ALOX15B: variants seen among roughly 807,000 people sequenced by gnomAD.
The protein encoded by ALOX15B is arachidonate 15-lipoxygenase type B, also known as polyunsaturated fatty acid lipoxygenase ALOX15B.
In ALOX15B, 74 loss-of-function variants were observed where a neutral mutation model predicts 73.8. The ratio of observed to expected loss-of-function variants is 1.00; its 90% CI spans 0.83 to 1.22. The LOEUF is 1.22. Ranked by LOEUF, ALOX15B falls within the 50% of genes most tolerant of loss-of-function variation. ALOX15B has a pLI of 0.00. For missense variants in ALOX15B, 896 were observed against 859.9 expected (o/e 1.04, Z -0.52); for synonymous variants, 353 against 357.2 (o/e 0.99, Z 0.13).
intron 3 of ALOX15B, among the ~76,000 whole-genome samples, chr17:8,040,908 G>A (rs1329620502): frequency 1.2e-5 from 1 of 83,392 alleles, no homozygotes; most frequent in Admixed American, 1.6e-4. Flanking sequence ...AGTTGGGGCC[G>A]CTAGTGAGGA....
intron 2 of ALOX15B, 74 bp from the exon 3 acceptor site, chr17:8,039,828 G>A (rs762212607): frequency 6.9e-6 from 10 of 1,454,526 alleles, no homozygotes; most frequent in Non-Finnish European, 8.5e-6. Context: ...GGTGGCAATC[G>A]TGGAGACTGT....
chr17:8,047,058 T>A lies in ALOX15B; in HGVS notation c.1439T>A (p.Ile480Asn). The A allele has an allele frequency of 6.2e-7, 1 of 1,613,774 alleles. No individual in the cohort carries two copies. Among genetic ancestry groups the A allele is most frequent in the Non-Finnish European group, 8.5e-7 (1 of 1,179,990 alleles). Residue 480 changes from isoleucine (I) to asparagine (N), a missense_variant, in exon 10 of 14, where the codon ATC becomes AAC. Ile to Asn is a moderately radical substitution (Grantham distance 149). Coordinates refer to ENST00000380183, the MANE Select transcript of ALOX15B (RefSeq NM_001141.3). ...TACTACCGTGATGATGGGATGCAGA[T>A]CTGGGGTGCAGTGGAACGGTGAGGG... ...GYYYRDDGMQ[I>N]WGAVERFVSE...
chr17:8,039,162 G>A lies in ALOX15B; in HGVS notation c.7G>A (p.Glu3Lys), dbSNP rs769860982. Residue 3 changes from glutamate to lysine, a missense_variant, in exon 1 of 14, where the codon GAG (glutamate) becomes AAG (lysine). Transcript: ENST00000380183. Reference sequence around the variant, plus strand: ...CTGGACTTAGGCTGGCAGCATGGCCGAGTTCAGGGTCAGGGTGTCCACCGG... The same window carrying A: ...CTGGACTTAGGCTGGCAGCATGGCCAAGTTCAGGGTCAGGGTGTCCACCGG... MA[E>K]FRVRVSTGEA... The A allele has an allele frequency of 2.5e-6, 4 of 1,612,944 alleles. No homozygotes were observed. The East Asian group carries it at 8.9e-5, about 36-fold the overall frequency.
Position 8,042,414 on chromosome 17 carries a change from G to C in ALOX15B, c.495G>C (p.Lys165Asn), listed in dbSNP as rs962335281. The C allele has an allele frequency of 6.8e-6, 11 of 1,614,018 alleles. No homozygotes were observed. The highest frequency in any genetic ancestry group is 8.5e-6 in the Non-Finnish European group (10 of 1,180,044). The part of the protein sequence containing the change: ...NPGWPHCLDE[K>N]TVEDLELNIK... ...GTTGGCCTCACTGCCTGGATGAAAAGACAGTGGAAGACTTGGAGCTCAATA... is the reference window on the plus strand; with the variant it reads ...GTTGGCCTCACTGCCTGGATGAAAACACAGTGGAAGACTTGGAGCTCAATA... Residue 165 changes from lysine (K) to asparagine (N), a missense_variant, in exon 4 of 14, where the codon AAG (lysine) becomes AAC (asparagine). By Grantham distance (94) the Lys-to-Asn change is moderately conservative. Coordinates refer to ENST00000380183, the MANE Select transcript of ALOX15B (RefSeq NM_001141.3).
rs1976641629 is a variant in ALOX15B at position 8,047,437 on chromosome 17, C to T, written c.1579+58C>T. 53 of 1,607,546 alleles carry T rather than the reference C, an allele frequency of 3.3e-5. 1 individual carries two copies. In the South Asian group the frequency reaches 5.5e-4, roughly 17 times the overall value. The stretch of plus-strand genomic sequence containing the variant: ...GTGAGCCCATCCCCGTGTCCCCCAC[C>T]CCCTGCAGAGCACGCATTTGAGTGG... On this transcript the variant is annotated intron_variant, in intron 11 of 13. Coordinates refer to ENST00000380183, the MANE Select transcript of ALOX15B (RefSeq NM_001141.3).
intron 3 of ALOX15B, among the ~76,000 whole-genome samples, chr17:8,042,115 G>T (rs2151812398): frequency 6.6e-6 from 1 of 152,332 alleles, no homozygotes; most frequent in Middle Eastern, 3.4e-3. Context: ...AAAGGACTCT[G>T]ATTGGCCCAG....
Position 8,039,451 on chromosome 17 carries a change from G to C in ALOX15B, c.213G>C (p.Lys71Asn). Residue 71 changes from lysine (K) to asparagine (N), a missense_variant, in exon 2 of 14, where the codon AAG becomes AAC. By Grantham distance (94) the Lys-to-Asn change is moderately conservative. Transcript: ENST00000380183. ...VGRVLLLRVH[K>N]APPVLPLLGP... ...GAGTGCTGCTGCTGCGCGTGCACAAGGCGCCCCCAGTGCTGCCCCTGCTGG... is the reference window on the plus strand; with the variant it reads ...GAGTGCTGCTGCTGCGCGTGCACAACGCGCCCCCAGTGCTGCCCCTGCTGG... 6.2e-7 allele frequency: 1 copy of C among 1,608,798 alleles called. No homozygotes were observed.
intron 2 of ALOX15B, 147 bp from the exon 3 acceptor site, chr17:8,039,755 A>G (rs1598160678): frequency 8.6e-7 from 1 of 1,163,288 alleles, no homozygotes; most frequent in Non-Finnish European, 1.2e-6. Flanking sequence ...AGCCTTGGGG[A>G]GCGGGAGGTA....
At position 8,039,558 on chromosome 17, in the gene ALOX15B, A is replaced by G; in HGVS notation, c.320A>G (p.Tyr107Cys). The G allele has an allele frequency of 7.5e-7, 1 of 1,324,604 alleles. No homozygotes were observed. Among genetic ancestry groups the G allele is most frequent in the Non-Finnish European group, 9.9e-7 (1 of 1,013,526 alleles). 82.1% of individuals were successfully genotyped at this position (1,324,604 alleles called of 1,614,324 possible). A position where few individuals can be genotyped will look rare whatever the true frequency, so the allele number is the denominator to read the frequency against. ...GGCGGCCACCTCCTCTTCCCCTGCT[A>G]CCAGTGGCTGGAGGGGGCGGGGACC... ...PRGGHLLFPC[Y>C]QWLEGAGTLV... The change falls in exon 2 of 14, where the codon TAC becomes TGC. Residue 107 changes from tyrosine to cysteine, a missense_variant. Transcript: ENST00000380183.
At chr17:8,045,890 C>T (rs1183609198) in intron 8 of ALOX15B, among the ~76,000 whole-genome samples, 1 of 152,124 alleles carries the variant, frequency 6.6e-6, no homozygotes, top group Non-Finnish European at 1.5e-5. Context: ...GAAAGGCTCT[C>T]GAAGGGAGAT....
chr17:8,048,006 CA>C (rs1453894198), intron 13 of ALOX15B, 91 bp downstream of exon 13: 1 of 1,439,596 alleles, frequency 6.9e-7, no homozygotes, highest in East Asian at 2.5e-5. Flanking sequence ...ACCCTGCCAT[CA>C]GGTAGCGGGT....
rs553095897 is a variant in ALOX15B, at chr17:8,042,674, T to C, written c.573-107T>C. Reference sequence around the variant, plus strand: ...AGCTACCTTAGGGGTAGTGACTACCTTGGGCCCGGAGGCTGGTTCAGGATC... The same window carrying C: ...AGCTACCTTAGGGGTAGTGACTACCCTGGGCCCGGAGGCTGGTTCAGGATC... On this transcript the variant is annotated intron_variant, in intron 4 of 13. Transcript: ENST00000380183. 1.0e-5 allele frequency: 14 copies of C among 1,338,844 alleles called. No individual in the cohort carries two copies. In the South Asian group the frequency reaches 1.7e-4, roughly 17 times the overall value. 82.9% of individuals were successfully genotyped at this position (1,338,844 alleles called of 1,614,324 possible). A position where few individuals can be genotyped will look rare whatever the true frequency, so the allele number is the denominator to read the frequency against.
chr17:8,046,871 G>A (rs1275675739), intron 9 of ALOX15B, 36 bp from the exon 10 acceptor site: 1 of 1,612,230 alleles, frequency 6.2e-7, no homozygotes, highest in Non-Finnish European at 8.5e-7. Context: ...TGCTTCTGGA[G>A]CAAGGTCTGT....
Position 8,046,689 on chromosome 17 carries a change from T to C in ALOX15B, c.1222T>C (p.Tyr408His). The C allele has an allele frequency of 1.2e-6, 2 of 1,613,920 alleles. No homozygotes were observed. Among genetic ancestry groups the C allele is most frequent in the African/African-American group, 1.3e-5 (1 of 75,020 alleles). The change falls in exon 9 of 14, where the codon TAC becomes CAC. Residue 408 changes from tyrosine to histidine, a missense_variant. Transcript: ENST00000380183. Reference protein sequence around the residue: ...LFKLLIPHTRYTLHINTLARE... With the variant: ...LFKLLIPHTRHTLHINTLARE... ...GCAGCTGCTGATCCCGCACACCCGA[T>C]ACACCCTGCACATCAACACACTCGC...
Position 8,039,308 on chromosome 17 carries a change from T to G in ALOX15B, c.147+6T>G. The G allele has an allele frequency of 6.3e-7, 1 of 1,584,874 alleles. No homozygotes were observed. Among genetic ancestry groups the G allele is most frequent in the South Asian group, 1.2e-5 (1 of 85,990 alleles). On this transcript the variant is annotated splice_donor_region_variant and intron_variant, in intron 1 of 13. Transcript: ENST00000380183. ...AGGAGTTCACTGCGGGCGCTGTGAG[T>G]GCGTGGGAGTGGATGGGGTGGAGGT...
At chr17:8,045,731 T>C in intron 8 of ALOX15B, 45 bp downstream of exon 8, 1 of 1,596,488 alleles carries the variant, frequency 6.3e-7, no homozygotes, top group Non-Finnish European at 8.5e-7. Flanking sequence ...CATGCCTCTG[T>C]GCCTCTTCTA....
intron 3 of ALOX15B, among the ~76,000 whole-genome samples, chr17:8,040,613 AAG>A (rs1491198348): frequency 7.3e-5 from 9 of 123,388 alleles, no homozygotes; most frequent in Non-Finnish European, 1.7e-4. Context: ...GAAAGAAAGA[AAG>A]AAAGAAAGAA....
In ALOX15B at chr17:8,047,743, A is replaced by T. The variant is rs1472047603; in HGVS notation, c.1681-2A>T. On this transcript the variant is annotated splice_acceptor_variant, in intron 12 of 13. Coordinates refer to ENST00000380183, the MANE Select transcript of ALOX15B (RefSeq NM_001141.3). LOFTEE classifies it high-confidence loss of function. ...GCCTCATTCTGCCCTCTCGGCCTTC[A>T]GTTTGACTCCTGTGCTTGGATGCCC... The T allele has an allele frequency of 1.2e-6, 2 of 1,614,084 alleles. No homozygotes were observed. Among genetic ancestry groups the T allele is most frequent in the Admixed American group, 1.7e-5 (1 of 60,004 alleles).
At chr17:8,048,326 A>G in intron 13 of ALOX15B, 60 bp from the exon 14 acceptor site, 7 of 1,554,572 alleles carry the variant, frequency 4.5e-6, no homozygotes, top group Non-Finnish European at 6.1e-6. Context: ...AGTGGGGACC[A>G]GGAGTCTGGG....
Sources: gnomAD v4.1 joint callset for allele counts (sites outside exome capture counted in the v4.1 genomes callset) on GRCh38, gnomAD v4.1.1 for gene constraint, MANE v1.5 for transcripts, NCBI Gene and HGNC (gene_info 2026-07-23, HGNC 2026-07-21) for gene names.